Variants in MAGI2 observed in about 807,000 individuals in gnomAD.
MAGI2 encodes membrane associated guanylate kinase, WW and PDZ domain containing 2, also known as membrane-associated guanylate kinase, WW and PDZ domain-containing protein 2.
MAGI2 carries 35 observed loss-of-function variants against 133.3 expected under a neutral mutation model. That is an observed-to-expected ratio of 0.26 (90% CI 0.20 to 0.35). The LOEUF (loss-of-function observed/expected upper bound fraction) is 0.35. Among genes scored for constraint, MAGI2 ranks in the 10% least tolerant of loss-of-function variants. The pLI, the probability that MAGI2 is intolerant of heterozygous loss-of-function variation, is 1.00. For synonymous variants in MAGI2, 729 were observed against 710.6 expected, an observed-to-expected ratio of 1.03 and a Z score of -0.41; for missense variants, 1,636 against 1,863.4, an observed-to-expected ratio of 0.88 and a Z score of 2.25.
intron 3 of MAGI2, among the ~76,000 whole-genome samples, chr7:78,572,892 C>A (rs1358582320): frequency 1.3e-5 from 2 of 150,330 alleles, no homozygotes; most frequent in African/African-American, 2.5e-5. Flanking sequence ...AAACTCTCGA[C>A]CTCAGGTGAT....
chr7:78,466,989 G>C (rs1364163586), intron 6 of MAGI2, among the ~76,000 whole-genome samples: 4 of 152,128 alleles, frequency 2.6e-5, no homozygotes, highest in Non-Finnish European at 5.9e-5. Flanking sequence ...CAAAAGCACA[G>C]AATAAGCAAG....
chr7:79,037,718 T>C (rs74768153), intron 1 of MAGI2, among the ~76,000 whole-genome samples: 3,904 of 152,324 alleles, frequency 0.026, 168 homozygotes, highest in African/African-American at 0.089. Flanking sequence ...TTTGTTTGAA[T>C]GACCATGCAA....
chr7:78,408,819 A>G (rs1401772002), intron 6 of MAGI2, among the ~76,000 whole-genome samples: 2 of 152,176 alleles, frequency 1.3e-5, no homozygotes, highest in Non-Finnish European at 2.9e-5. Flanking sequence ...ATGTATTATT[A>G]AAATGCATTT....
At chr7:78,383,254 C>T (rs1350133559) in intron 6 of MAGI2, among the ~76,000 whole-genome samples, 1 of 152,126 alleles carries the variant, frequency 6.6e-6, no homozygotes, top group African/African-American at 2.4e-5. Context: ...TCCCTTTTCT[C>T]TGCATCCTCA....
intron 2 of MAGI2, among the ~76,000 whole-genome samples, chr7:78,989,629 C>G (rs781621789): frequency 5.9e-5 from 9 of 152,022 alleles, no homozygotes; most frequent in Admixed American, 3.3e-4. Flanking sequence ...TGCTCCTCCC[C>G]CTGTATCCGA....
chr7:79,403,907 G>A (rs1224105945), intron 1 of MAGI2, among the ~76,000 whole-genome samples: 1 of 152,142 alleles, frequency 6.6e-6, no homozygotes, highest in Non-Finnish European at 1.5e-5. Context: ...TGAAAACTGC[G>A]ATATTAAACA....
intron 1 of MAGI2, among the ~76,000 whole-genome samples, chr7:79,267,786 G>T (rs1834589159): frequency 6.6e-6 from 1 of 152,174 alleles, no homozygotes; most frequent in Admixed American, 6.5e-5. Context: ...ACTCAAAGAG[G>T]GGCTGGATGG....
At chr7:79,134,892 G>A (rs1304941205) in intron 1 of MAGI2, among the ~76,000 whole-genome samples, 1 of 152,170 alleles carries the variant, frequency 6.6e-6, no homozygotes, top group East Asian at 1.9e-4. Context: ...ATGATTCCCT[G>A]TTTGTGTATT....
At chr7:78,419,420 G>A (rs931086864) in intron 6 of MAGI2, among the ~76,000 whole-genome samples, 7 of 140,696 alleles carry the variant, frequency 5.0e-5, no homozygotes, top group Non-Finnish European at 7.8e-5. Context: ...TGTGTAAGGA[G>A]ACACAGGACT....
At chr7:78,456,709 G>A (rs1294672262) in intron 6 of MAGI2, among the ~76,000 whole-genome samples, 2 of 152,154 alleles carry the variant, frequency 1.3e-5, no homozygotes, top group African/African-American at 2.4e-5. Context: ...CCCTACGGAC[G>A]TAGGGATGGG....
chr7:78,182,592 A>C (rs191642587), intron 13 of MAGI2, among the ~76,000 whole-genome samples: 2 of 152,162 alleles, frequency 1.3e-5, no homozygotes, highest in Admixed American at 6.5e-5. Flanking sequence ...CCTCTGATTC[A>C]TTCCTGCCAG....
chr7:78,158,682 G>T (rs1824642854), intron 16 of MAGI2, among the ~76,000 whole-genome samples: 1 of 152,142 alleles, frequency 6.6e-6, no homozygotes, highest in South Asian at 2.1e-4. Context: ...TTCAGTTCAT[G>T]GTTTGACTTA....
At chr7:79,115,260 A>T (rs185073838) in intron 1 of MAGI2, among the ~76,000 whole-genome samples, 1 of 152,354 alleles carries the variant, frequency 6.6e-6, no homozygotes, top group East Asian at 1.9e-4. Flanking sequence ...GGAAAGGAAT[A>T]TTCACAGGTA....
intron 1 of MAGI2, among the ~76,000 whole-genome samples, chr7:79,026,654 C>T (rs1205154618): frequency 6.6e-6 from 1 of 151,924 alleles, no homozygotes; most frequent in African/African-American, 2.4e-5. Context: ...GAGCAGATTG[C>T]CTGAGCTCAG....
chr7:78,690,780 T>A (rs1303465019), intron 2 of MAGI2, among the ~76,000 whole-genome samples: 1 of 152,170 alleles, frequency 6.6e-6, no homozygotes, highest in Admixed American at 6.6e-5. Flanking sequence ...TTTTTAATGA[T>A]TGCTTAAATA....
chr7:78,097,618 C>T (rs1025762177), intron 20 of MAGI2, among the ~76,000 whole-genome samples: 7 of 152,026 alleles, frequency 4.6e-5, no homozygotes, highest in African/African-American at 1.7e-4. Context: ...ATGATAAGAA[C>T]TCATGAATAC....
intron 6 of MAGI2, among the ~76,000 whole-genome samples, chr7:78,411,300 G>A (rs1408329997): frequency 1.3e-5 from 2 of 151,956 alleles, no homozygotes; most frequent in Non-Finnish European, 2.9e-5. Context: ...TGTATAAATT[G>A]AATTCAGTTT....
chr7:79,164,592 ACAGTCTT>A (rs1824739980), intron 1 of MAGI2, among the ~76,000 whole-genome samples: 3 of 151,974 alleles, frequency 2.0e-5, no homozygotes, highest in Non-Finnish European at 4.4e-5. Flanking sequence ...CTTGGTCTCC[ACAGTCTT>A]TTACCCTGAA....
chr7:78,940,576 G>A (rs1800888625), intron 2 of MAGI2: 1 of 152,174 alleles, frequency 6.6e-6, no homozygotes. Context: ...CAACTGCAGG[G>A]CTTCTGAATT....
Sources: allele counts gnomAD v4.1 joint callset (sites outside exome capture counted in the v4.1 genomes callset), GRCh38; gene constraint gnomAD v4.1.1; transcripts MANE v1.5; gene names NCBI Gene and HGNC (gene_info 2026-07-23, HGNC 2026-07-21).